The following PGM5 variants were observed in gnomAD, a reference collection of about 807,000 sequenced individuals.
The protein encoded by PGM5 is phosphoglucomutase-like protein 5.
Under a neutral mutation model 59.2 loss-of-function variants are expected in PGM5, and 23 were observed. That is an observed-to-expected ratio of 0.39 (90% CI 0.28 to 0.55). The LOEUF is 0.55. Ranked by LOEUF, PGM5 falls within the 20% of genes least tolerant of loss-of-function variation. PGM5 has a pLI of 0.66. For missense variants in PGM5, 574 were observed against 748.3 expected (o/e 0.77, Z 2.72); for synonymous variants, 214 against 286.0 (o/e 0.75, Z 2.54).
intron 7 of PGM5, 109 bp from the exon 8 acceptor site, chr9:68,479,309 C>T (rs1347945055): frequency 1.1e-6 from 1 of 932,766 alleles, no homozygotes. Flanking sequence ...GGTAAATGAT[C>T]CAATCATTTC....
intron 10 of PGM5, among the ~76,000 whole-genome samples, chr9:68,508,858 G>T (rs949954942): frequency 3.3e-5 from 5 of 152,198 alleles, no homozygotes; most frequent in African/African-American, 1.2e-4. Context: ...GGTGATTCAG[G>T]TTTTCTTTGA....
At chr9:68,464,563 G>T (rs1352051625) in intron 6 of PGM5, 1 of 152,812 alleles carries the variant, frequency 6.5e-6, no homozygotes, top group Non-Finnish European at 1.5e-5. Flanking sequence ...GGCCACATCT[G>T]CGAGCTGTCA....
At chr9:68,439,361 GT>G (rs1823489839) in intron 6 of PGM5, among the ~76,000 whole-genome samples, 2 of 148,142 alleles carry the variant, frequency 1.4e-5, no homozygotes, top group South Asian at 4.2e-4. Context: ...GCAAGATGCT[GT>G]TTCAATATAT....
chr9:68,477,454 A>G (rs1824125538), intron 7 of PGM5, among the ~76,000 whole-genome samples: 1 of 152,226 alleles, frequency 6.6e-6, no homozygotes, highest in African/African-American at 2.4e-5. Flanking sequence ...TTCAGGGGTT[A>G]AACAGCTCTG....
At chr9:68,485,857 C>G (rs1249545366) in intron 9 of PGM5, among the ~76,000 whole-genome samples, 1 of 152,104 alleles carries the variant, frequency 6.6e-6, no homozygotes, top group Non-Finnish European at 1.5e-5. Flanking sequence ...CTTTGCAGGT[C>G]TGGGTTTAGC....
intron 7 of PGM5, among the ~76,000 whole-genome samples, chr9:68,472,982 A>AT (rs1284157335): frequency 1.3e-5 from 2 of 152,058 alleles, no homozygotes; most frequent in African/African-American, 4.8e-5. Flanking sequence ...ATTTAAGAAT[A>AT]TTTTTTTAAG....
At position 68,437,576 on chromosome 9, in the gene PGM5, C is replaced by G. The variant is rs916612145; in HGVS notation, c.1044-27517C>G. Among the ~76,000 whole-genome samples, 2 of 149,142 alleles carry G rather than the reference C, an allele frequency of 1.3e-5. No homozygotes were observed. The highest frequency in any genetic ancestry group is 6.6e-5 in the Admixed American group (1 of 15,170). On this transcript the variant is annotated intron_variant, in intron 6 of 10. Coordinates refer to ENST00000396396, the MANE Select transcript of PGM5 (RefSeq NM_021965.4). The surrounding 1 kb of genome is among the most constrained non-coding windows in gnomAD (Gnocchi z 4.1). ...TCAATTTTTCAAAGGGACACACACA[C>G]TCACACACACACACACACACACACT... is the stretch of plus-strand genomic sequence containing the variant.
intron 2 of PGM5, among the ~76,000 whole-genome samples, chr9:68,382,481 T>G (rs1487482723): frequency 6.6e-6 from 1 of 151,700 alleles, no homozygotes; most frequent in African/African-American, 2.4e-5. Flanking sequence ...CATCAAAAGC[T>G]CAGGCTACAA....
In PGM5 at chr9:68,450,643, T is replaced by C. The variant is rs73649807; in HGVS notation, c.1044-14450T>C. 3.0e-3 allele frequency among the ~76,000 whole-genome samples: 451 copies of C among 152,370 alleles called. 1 individual carries two copies. The highest frequency in any genetic ancestry group is 1.0e-2 in the African/African-American group (414 of 41,580). On this transcript the variant is annotated intron_variant, in intron 6 of 10. Transcript: ENST00000396396. ...TTGCCACTTTTATTTGGATTGGATA[T>C]GCACATTTGGTTTCATGAGGGGGGA...
At chr9:68,430,062 T>A (rs2132055115) in intron 6 of PGM5, among the ~76,000 whole-genome samples, 1 of 152,348 alleles carries the variant, frequency 6.6e-6, no homozygotes, top group South Asian at 2.1e-4. Context: ...AACCTAATTT[T>A]AAAAATTCTG....
intron 1 of PGM5, among the ~76,000 whole-genome samples, chr9:68,374,703 C>T (rs1234952898): frequency 1.3e-5 from 2 of 151,908 alleles, no homozygotes; most frequent in African/African-American, 4.8e-5. Context: ...GTATTTTTTC[C>T]AGAGCAGCCG....
intron 10 of PGM5, among the ~76,000 whole-genome samples, chr9:68,526,996 T>TG (rs1318738712): frequency 6.6e-6 from 1 of 152,218 alleles, no homozygotes; most frequent in Non-Finnish European, 1.5e-5. Flanking sequence ...GAGAAGTAGG[T>TG]GAGCATATTA....
At chr9:68,484,444 G>C (rs573273345) in intron 9 of PGM5, among the ~76,000 whole-genome samples, 51 of 151,628 alleles carry the variant, frequency 3.4e-4, no homozygotes, top group African/African-American at 1.2e-3. Context: ...GGAGGCTAAG[G>C]TGGGAGGATC....
intron 3 of PGM5, among the ~76,000 whole-genome samples, chr9:68,385,520 T>C (rs1822195707): frequency 6.6e-6 from 1 of 152,102 alleles, no homozygotes; most frequent in African/African-American, 2.4e-5. Context: ...GTCAGTTGTT[T>C]GCTTAGGTAA....
At chr9:68,406,708 A>ATATATATATG (rs1822824694) in intron 6 of PGM5, among the ~76,000 whole-genome samples, 1 of 78,808 alleles carries the variant, frequency 1.3e-5, no homozygotes, top group African/African-American at 5.2e-5. Context: ...ATATATATAT[A>ATATATATATG]TATATATATA....
chr9:68,438,863 T>C (rs1554683514), intron 6 of PGM5, among the ~76,000 whole-genome samples: 1 of 152,134 alleles, frequency 6.6e-6, no homozygotes, highest in South Asian at 2.1e-4. Flanking sequence ...AGATTCCTCA[T>C]TTTTCATTTT....
At chr9:68,399,328 G>A (rs1276094460) in intron 6 of PGM5, 2 of 151,898 alleles carry the variant, frequency 1.3e-5, no homozygotes, top group African/African-American at 4.8e-5. Flanking sequence ...GAATTATTGG[G>A]CCAGAGGGGG....
chr9:68,526,978 G>T (rs1001704516), intron 10 of PGM5, among the ~76,000 whole-genome samples: 1 of 152,214 alleles, frequency 6.6e-6, no homozygotes, highest in Non-Finnish European at 1.5e-5. Context: ...GAACTCAACT[G>T]CTGAAGGGAG....
At chr9:68,425,515 C>A (rs1159188225) in intron 6 of PGM5, among the ~76,000 whole-genome samples, 2 of 152,016 alleles carry the variant, frequency 1.3e-5, no homozygotes, top group African/African-American at 4.8e-5. Flanking sequence ...CCTTAATGTA[C>A]ATAATGGAGA....
Sources: allele counts gnomAD v4.1 joint callset (sites outside exome capture counted in the v4.1 genomes callset), GRCh38; gene constraint gnomAD v4.1.1; non-coding constraint Gnocchi (gnomAD v3.1); transcripts MANE v1.5; gene names NCBI Gene and HGNC (gene_info 2026-07-23, HGNC 2026-07-21).